The following COBLL1 variants were observed in gnomAD, a reference collection of about 807,000 sequenced individuals.
COBLL1 encodes the protein cordon-bleu protein-like 1.
COBLL1 carries 50 observed loss-of-function variants against 94.8 expected under a neutral mutation model. The ratio of observed to expected loss-of-function variants is 0.53; its 90% CI spans 0.42 to 0.67. The LOEUF (loss-of-function observed/expected upper bound fraction) is 0.67, where lower values mean the gene tolerates loss of function less well. Ranked by LOEUF, COBLL1 falls within the 30% of genes least tolerant of loss-of-function variation. The pLI is 0.00. For missense variants in COBLL1, 1,362 were observed against 1,348.7 expected (o/e 1.01, Z -0.15); for synonymous variants, 448 against 473.8 (o/e 0.95, Z 0.71).
chr2:164,840,137 TAAATC>T (rs1683515844), intron 2 of COBLL1, among the ~76,000 whole-genome samples: 1 of 152,196 alleles, frequency 6.6e-6, no homozygotes, highest in African/African-American at 2.4e-5. Flanking sequence ...TCTACACTCT[TAAATC>T]AGGAAAACTG....
chr2:164,753,741 T>A (rs902741408), intron 2 of COBLL1, among the ~76,000 whole-genome samples: 4 of 111,704 alleles, frequency 3.6e-5, no homozygotes, highest in Admixed American at 3.5e-4. Context: ...GTATGGGAAT[T>A]TTTTTTTTTT....
chr2:164,822,734 A>ATATTATTATTATTAT (rs199529383), intron 2 of COBLL1, among the ~76,000 whole-genome samples: 2 of 139,480 alleles, frequency 1.4e-5, no homozygotes. Flanking sequence ...AGATTATATT[A>ATATTATTATTATTAT]TATTATTATT....
intron 3 of COBLL1, chr2:164,743,484 T>C (rs1686700829): frequency 4.3e-6 from 2 of 463,076 alleles, no homozygotes; most frequent in South Asian, 7.3e-5. Context: ...TTAATTGGGT[T>C]TGTGGAATTC....
chr2:164,811,669 A>G (rs1684463275), intron 2 of COBLL1, among the ~76,000 whole-genome samples: 1 of 151,904 alleles, frequency 6.6e-6, no homozygotes, highest in Non-Finnish European at 1.5e-5. Flanking sequence ...TCAAACCCCT[A>G]TCTGAAAGAC....
chr2:164,668,200 G>A (rs1037064561), intron 1 of COBLL1, among the ~76,000 whole-genome samples: 2 of 151,862 alleles, frequency 1.3e-5, no homozygotes, highest in Non-Finnish European at 2.9e-5. Flanking sequence ...CGGACCTCAG[G>A]TGATCTACCC....
At chr2:164,718,587 G>C (rs541016041) in intron 7 of COBLL1, among the ~76,000 whole-genome samples, 2 of 152,252 alleles carry the variant, frequency 1.3e-5, no homozygotes, top group South Asian at 4.2e-4. Context: ...AGGAGAACTT[G>C]GTGGGGGATA....
chr2:164,813,584 A>G (rs1684567259), intron 2 of COBLL1, among the ~76,000 whole-genome samples: 1 of 152,132 alleles, frequency 6.6e-6, no homozygotes, highest in Non-Finnish European at 1.5e-5. Flanking sequence ...CTCATAAGCT[A>G]ATTATTAAAT....
chr2:164,818,163 T>C (rs1005491657), intron 2 of COBLL1, among the ~76,000 whole-genome samples: 2 of 151,382 alleles, frequency 1.3e-5, no homozygotes, highest in African/African-American at 4.9e-5. Flanking sequence ...TACGTGTATG[T>C]ATACATGCAC....
intron 2 of COBLL1, among the ~76,000 whole-genome samples, chr2:164,795,009 C>A (rs1041728840): frequency 6.6e-6 from 1 of 152,172 alleles, no homozygotes; most frequent in African/African-American, 2.4e-5. Flanking sequence ...GTGAGAAATA[C>A]TTATCACAAT....
intron 2 of COBLL1, among the ~76,000 whole-genome samples, chr2:164,806,412 G>T (rs1684157989): frequency 6.6e-6 from 1 of 151,986 alleles, no homozygotes; most frequent in Admixed American, 6.6e-5. Context: ...ATTTAATTTT[G>T]GATTTTACAA....
intron 2 of COBLL1, among the ~76,000 whole-genome samples, chr2:164,744,268 A>G (rs1354922016): frequency 6.6e-6 from 1 of 152,118 alleles, no homozygotes; most frequent in Non-Finnish European, 1.5e-5. Flanking sequence ...ATTTCACAGT[A>G]ACTCTTACCT....
intron 3 of COBLL1, among the ~76,000 whole-genome samples, chr2:164,735,166 C>A (rs758459297): frequency 6.6e-6 from 1 of 152,110 alleles, no homozygotes; most frequent in Admixed American, 6.6e-5. Context: ...CTGGCTAGGT[C>A]GCTGTTGTCG....
At chr2:164,839,820 T>C (rs143526697) in intron 2 of COBLL1, among the ~76,000 whole-genome samples, 1 of 152,268 alleles carries the variant, frequency 6.6e-6, no homozygotes, top group African/African-American at 2.4e-5. Flanking sequence ...TGTGAGAATA[T>C]ATGTCAGGAT....
Position 164,695,502 on chromosome 2 carries a change from A to C in COBLL1, c.1890T>G (p.Cys630Trp). Residue 630 changes from cysteine (C) to tryptophan (W), a missense_variant, in exon 12 of 14, where the codon TGT becomes TGG. Coordinates refer to ENST00000652658, the MANE Select transcript of COBLL1 (RefSeq NM_001365672.2). Reference sequence around the variant, plus strand: ...ATATGTTGTTATTTGAAGTTTGCACACATTCTTCAACTTTGGAGTCAGATA... The same window carrying C: ...ATATGTTGTTATTTGAAGTTTGCACCCATTCTTCAACTTTGGAGTCAGATA... ...HNLSDSKVEE[C>W]VQTSNNNIST... 1 of 1,613,936 alleles carries C rather than the reference A, an allele frequency of 6.2e-7. No homozygotes were observed. Among genetic ancestry groups the C allele is most frequent in the Non-Finnish European group, 8.5e-7 (1 of 1,179,896 alleles).
chr2:164,745,871 A>G (rs1686834645), intron 2 of COBLL1, among the ~76,000 whole-genome samples: 1 of 152,180 alleles, frequency 6.6e-6, no homozygotes, highest in Admixed American at 6.5e-5. Context: ...AAAAGAGATG[A>G]GAAATCAGCG....
intron 5 of COBLL1, chr2:164,724,853 AG>A (rs529938587): frequency 1.4e-3 from 211 of 152,134 alleles, no homozygotes; most frequent in African/African-American, 4.8e-3. Context: ...AACATATGAA[AG>A]GAAAACTATT....
intron 3 of COBLL1, among the ~76,000 whole-genome samples, chr2:164,740,869 G>A (rs1372301270): frequency 6.6e-6 from 1 of 151,988 alleles, no homozygotes; most frequent in Non-Finnish European, 1.5e-5. Flanking sequence ...GAGAAAATGA[G>A]GCTAGTGAGT....
chr2:164,771,046 T>A (rs946377823), intron 2 of COBLL1, among the ~76,000 whole-genome samples: 1 of 152,114 alleles, frequency 6.6e-6, no homozygotes, highest in Admixed American at 6.5e-5. Flanking sequence ...GCACCACTTA[T>A]GTTACTCTTA....
intron 2 of COBLL1, among the ~76,000 whole-genome samples, chr2:164,747,850 T>C (rs1288086759): frequency 6.6e-6 from 1 of 152,156 alleles, no homozygotes; most frequent in Non-Finnish European, 1.5e-5. Flanking sequence ...ATTTGTAACT[T>C]TTGTTCCTGA....
Sources: gnomAD v4.1 joint callset for allele counts (sites outside exome capture counted in the v4.1 genomes callset) on GRCh38, gnomAD v4.1.1 for gene constraint, MANE v1.5 for transcripts, NCBI Gene and HGNC (gene_info 2026-07-23, HGNC 2026-07-21) for gene names.